Variants in SEMA3E observed in about 807,000 individuals in gnomAD.
The protein encoded by SEMA3E is semaphorin 3E.
Under a neutral mutation model 93.6 loss-of-function variants are expected in SEMA3E, and 49 were observed. The ratio of observed to expected loss-of-function variants is 0.52; its 90% CI spans 0.42 to 0.66. The LOEUF is 0.66. Ranked by LOEUF, SEMA3E falls within the 30% of genes least tolerant of loss-of-function variation. The pLI is 0.00. For missense variants in SEMA3E, 906 were observed against 964.8 expected (o/e 0.94, Z 0.81); for synonymous variants, 363 against 330.7 (o/e 1.10, Z -1.06).
chr7:83,636,371 A>G (rs1584379082), intron 1 of SEMA3E, among the ~76,000 whole-genome samples: 2 of 152,204 alleles, frequency 1.3e-5, no homozygotes, highest in South Asian at 4.1e-4. Flanking sequence ...ATTTTCTGCC[A>G]TCTCTGTTAG....
At chr7:83,482,513 C>A (rs1012774605) in intron 2 of SEMA3E, among the ~76,000 whole-genome samples, 1 of 134,874 alleles carries the variant, frequency 7.4e-6, no homozygotes, top group African/African-American at 2.8e-5. Flanking sequence ...TGTAGTGAGC[C>A]GAGATTGCAC....
At chr7:83,420,584 C>A (rs1389005982) in intron 4 of SEMA3E, among the ~76,000 whole-genome samples, 1 of 152,132 alleles carries the variant, frequency 6.6e-6, no homozygotes. Flanking sequence ...TAGTACAAGA[C>A]TACAGTAAGT....
chr7:83,557,182 ATTC>A (rs758130791), intron 1 of SEMA3E, among the ~76,000 whole-genome samples: 15 of 152,104 alleles, frequency 9.9e-5, no homozygotes, highest in Non-Finnish European at 1.8e-4. Context: ...GAAAATGAAT[ATTC>A]TTTTTATTAC....
intron 1 of SEMA3E, among the ~76,000 whole-genome samples, chr7:83,541,165 C>T (rs1338108797): frequency 6.6e-6 from 1 of 152,160 alleles, no homozygotes; most frequent in East Asian, 1.9e-4. Flanking sequence ...AGAAAAAGTA[C>T]TAAGAATATA....
At chr7:83,441,136 G>C (rs1408477503) in intron 4 of SEMA3E, among the ~76,000 whole-genome samples, 1 of 152,148 alleles carries the variant, frequency 6.6e-6, no homozygotes, top group Non-Finnish European at 1.5e-5. Flanking sequence ...AGTCCTGGCA[G>C]GAGGAATAGA....
At chr7:83,543,367 T>A (rs1791578716) in intron 1 of SEMA3E, among the ~76,000 whole-genome samples, 1 of 151,962 alleles carries the variant, frequency 6.6e-6, no homozygotes, top group Non-Finnish European at 1.5e-5. Flanking sequence ...ACTTTTTTTT[T>A]ATTAAACAAG....
chr7:83,368,156 T>C, intron 16 of SEMA3E, 118 bp from the exon 17 acceptor site: 1 of 861,356 alleles, frequency 1.2e-6, no homozygotes, highest in Non-Finnish European at 1.9e-6. Flanking sequence ...AATGAAACCC[T>C]GAAAATCATA....
Position 83,469,303 on chromosome 7 carries a change from C to CTAAAATAAAAGA in SEMA3E, c.277-13_277-2dup. The CTAAAATAAAAGA allele has an allele frequency of 5.0e-6, 8 of 1,601,274 alleles. No homozygotes were observed. The highest frequency in any genetic ancestry group is 6.8e-6 in the Non-Finnish European group (8 of 1,170,724). On this transcript the variant is annotated splice_acceptor_variant, in intron 2 of 16. Transcript: ENST00000643230. LOFTEE classifies it high-confidence loss of function. ...TTAGAGCTGTACTCGGCCAGTGTATCTAAAATAAAAGATAATGTACTATTA... is the reference window on the plus strand; with the variant it reads ...TTAGAGCTGTACTCGGCCAGTGTATCTAAAATAAAAGATAAAATAAAAGATAATGTACTATTA...
In SEMA3E at chr7:83,540,744, A is replaced by T. The variant is rs544560330; in HGVS notation, c.116-50470T>A. On this transcript the variant is annotated intron_variant, in intron 1 of 16. Coordinates refer to ENST00000643230, the MANE Select transcript of SEMA3E (RefSeq NM_012431.3). ...TGTATGTATCTCTGAGTGTGAAGGC[A>T]GAAGGTCTGCATTTTGATTCAACTT... Among the ~76,000 whole-genome samples, 9 of 152,316 alleles carry T rather than the reference A, an allele frequency of 5.9e-5. No individual in the cohort carries two copies. In the South Asian group the frequency reaches 1.9e-3, roughly 32 times the overall value.
Position 83,402,617 on chromosome 7 carries a change from T to C in SEMA3E, c.1143+15A>G, listed in dbSNP as rs775045251. 1.4e-5 allele frequency: 23 copies of C among 1,606,846 alleles called. No individual in the cohort carries two copies. The highest frequency in any genetic ancestry group is 1.9e-5 in the Non-Finnish European group (22 of 1,173,892). Reference sequence around the variant, plus strand: ...ACTTAAAAATAAGAATTATTTGTTATATAACTAAACTTACAGAACCAGGCC... The same window carrying C: ...ACTTAAAAATAAGAATTATTTGTTACATAACTAAACTTACAGAACCAGGCC... On this transcript the variant is annotated intron_variant, in intron 10 of 16. Coordinates refer to ENST00000643230, the MANE Select transcript of SEMA3E (RefSeq NM_012431.3).
intron 1 of SEMA3E, among the ~76,000 whole-genome samples, chr7:83,505,121 C>A (rs150183415): frequency 6.6e-6 from 1 of 152,214 alleles, no homozygotes; most frequent in African/African-American, 2.4e-5. Context: ...ATATTTTATG[C>A]ACATATCAAA....
intron 1 of SEMA3E, among the ~76,000 whole-genome samples, chr7:83,569,368 A>T (rs554413837): frequency 1.3e-5 from 2 of 152,292 alleles, no homozygotes; most frequent in Non-Finnish European, 2.9e-5. Flanking sequence ...ACAAAATGAC[A>T]GGATCAAAAT....
intron 3 of SEMA3E, 125 bp from the exon 4 acceptor site, chr7:83,466,726 G>A (rs368521399): frequency 1.1e-5 from 12 of 1,131,782 alleles, no homozygotes; most frequent in African/African-American, 3.1e-5. Context: ...GGGTGAAGGA[G>A]GCAAGAGGGG....
At chr7:83,504,868 C>T (rs554816497) in intron 1 of SEMA3E, among the ~76,000 whole-genome samples, 1 of 151,868 alleles carries the variant, frequency 6.6e-6, no homozygotes, top group East Asian at 1.9e-4. Flanking sequence ...TTCACTTACC[C>T]TTCACTCCAC....
At chr7:83,417,367 A>C (rs73391448) in intron 5 of SEMA3E, among the ~76,000 whole-genome samples, 10,075 of 152,186 alleles carry the variant, frequency 0.066, 1,114 homozygotes, top group African/African-American at 0.23. Flanking sequence ...AAGAATATGC[A>C]GTAGCATCTG....
At chr7:83,591,765 A>C (rs867487075) in intron 1 of SEMA3E, among the ~76,000 whole-genome samples, 2 of 152,082 alleles carry the variant, frequency 1.3e-5, no homozygotes, top group Non-Finnish European at 2.9e-5. Flanking sequence ...TTTGAAAATC[A>C]TCAAATAAGT....
chr7:83,514,310 T>C (rs942732918), intron 1 of SEMA3E, among the ~76,000 whole-genome samples: 2 of 152,158 alleles, frequency 1.3e-5, no homozygotes, highest in Admixed American at 1.3e-4. Flanking sequence ...ACATTCTTAA[T>C]AAACTTGCCT....
chr7:83,469,354 A>C, intron 2 of SEMA3E, 52 bp from the exon 3 acceptor site: 6 of 1,235,978 alleles, frequency 4.9e-6, no homozygotes, highest in Non-Finnish European at 7.1e-6. Context: ...AAAATAAACC[A>C]CACTGAAAAC....
At chr7:83,564,181 CA>C (rs1157287518) in intron 1 of SEMA3E, among the ~76,000 whole-genome samples, 2 of 152,124 alleles carry the variant, frequency 1.3e-5, no homozygotes, top group African/African-American at 4.8e-5. Context: ...CAAATAAAAT[CA>C]TTTTTTAATA....
Sources: gnomAD v4.1 joint callset for allele counts (sites outside exome capture counted in the v4.1 genomes callset) on GRCh38, gnomAD v4.1.1 for gene constraint, MANE v1.5 for transcripts, NCBI Gene and HGNC (gene_info 2026-07-23, HGNC 2026-07-21) for gene names.